Variants in LRP1B observed in about 807,000 individuals in gnomAD.
LRP1B encodes LDL receptor related protein 1B.
LRP1B carries 217 observed loss-of-function variants against 556.6 expected under a neutral mutation model. The observed-to-expected ratio is 0.39, with a 90% confidence interval of 0.35 to 0.44. The LOEUF is 0.44. LRP1B is among the 20% of genes least tolerant of loss of function. LRP1B has a pLI of 1.00. For missense variants in LRP1B, 5,053 were observed against 5,620.8 expected, an observed-to-expected ratio of 0.90 and a Z score of 3.23; for synonymous variants, 2,047 against 1,865.8, an observed-to-expected ratio of 1.10 and a Z score of -2.50.
chr2:141,335,750 AT>A (rs1185004328), intron 3 of LRP1B, among the ~76,000 whole-genome samples: 1 of 152,174 alleles, frequency 6.6e-6, no homozygotes, highest in Admixed American at 6.5e-5. Flanking sequence ...ACAGTGTGGA[AT>A]TTCTATGAAC....
intron 2 of LRP1B, among the ~76,000 whole-genome samples, chr2:141,761,597 A>C (rs1694549925): frequency 1.3e-5 from 2 of 152,270 alleles, no homozygotes; most frequent in Middle Eastern, 3.4e-3. Flanking sequence ...AATACTTAAA[A>C]ATTTATTTTA....
chr2:141,357,442 G>A (rs947802184), intron 3 of LRP1B, among the ~76,000 whole-genome samples: 1 of 152,020 alleles, frequency 6.6e-6, no homozygotes, highest in Non-Finnish European at 1.5e-5. Flanking sequence ...CCACTATTTT[G>A]TAACTATGAG....
Position 141,331,522 on chromosome 2 carries a change from C to CTCTTTCTT in LRP1B, c.344-76889_344-76882dup, listed in dbSNP as rs71213744. Among the ~76,000 whole-genome samples the CTCTTTCTT allele has an allele frequency of 1.9e-3, 264 of 140,816 alleles. 2 individuals are homozygous for CTCTTTCTT. The highest frequency in any genetic ancestry group is 4.0e-3 in the South Asian group (18 of 4,472). The allele number at this position is 140,816 out of a possible 152,430, so 92.4% of individuals were successfully genotyped here. On this transcript the variant is annotated intron_variant, in intron 3 of 90. Coordinates refer to ENST00000389484, the MANE Select transcript of LRP1B (RefSeq NM_018557.3). ...TCTTTCCTTCTTTCTTTCTTTCTTT[C>CTCTTTCTT]TCTTTCTTTCTTTCTTTCTTTCTTT...
intron 3 of LRP1B, among the ~76,000 whole-genome samples, chr2:141,461,044 A>AT (rs200164273): frequency 0.054 from 8,148 of 152,148 alleles, 268 homozygotes; most frequent in Non-Finnish European, 0.067. Context: ...GGAAAAAAAA[A>AT]AATGAGAGTC....
At chr2:141,458,662 A>T (rs1681731368) in intron 3 of LRP1B, among the ~76,000 whole-genome samples, 1 of 152,100 alleles carries the variant, frequency 6.6e-6, no homozygotes, top group Non-Finnish European at 1.5e-5. Flanking sequence ...TTTAAATCGT[A>T]AAACCAAAAG....
intron 3 of LRP1B, among the ~76,000 whole-genome samples, chr2:141,383,846 T>G (rs10166697): frequency 0.096 from 14,628 of 152,024 alleles, 1,183 homozygotes; most frequent in African/African-American, 0.22. Context: ...TTAACAAGGG[T>G]TGGAGGATAC....
At chr2:140,779,120 A>G (rs1416964951) in intron 32 of LRP1B, among the ~76,000 whole-genome samples, 1 of 152,030 alleles carries the variant, frequency 6.6e-6, no homozygotes, top group Non-Finnish European at 1.5e-5. Context: ...AAAAAGTTTG[A>G]GGACGATGGT....
At chr2:140,635,678 T>C (rs1255312974) in intron 41 of LRP1B, among the ~76,000 whole-genome samples, 1 of 151,974 alleles carries the variant, frequency 6.6e-6, no homozygotes, top group Non-Finnish European at 1.5e-5. Context: ...ATACTATATA[T>C]AACATGTCCT....
intron 1 of LRP1B, among the ~76,000 whole-genome samples, chr2:141,918,140 T>C (rs1275898941): frequency 6.6e-6 from 1 of 152,002 alleles, no homozygotes; most frequent in African/African-American, 2.4e-5. Flanking sequence ...ATATACTTTT[T>C]TAAAAAATAC....
chr2:141,672,471 C>G (rs150401523), intron 2 of LRP1B, among the ~76,000 whole-genome samples: 2 of 152,102 alleles, frequency 1.3e-5, no homozygotes, highest in East Asian at 3.9e-4. Flanking sequence ...CTTCCTGAAA[C>G]GGAGGTTACA....
intron 3 of LRP1B, among the ~76,000 whole-genome samples, chr2:141,475,811 G>T (rs1187045102): frequency 6.6e-6 from 1 of 152,094 alleles, no homozygotes; most frequent in African/African-American, 2.4e-5. Context: ...TCCAAGGGAA[G>T]ATCATCTCCC....
chr2:141,423,304 T>C (rs10601129), intron 3 of LRP1B, among the ~76,000 whole-genome samples: 2 of 141,622 alleles, frequency 1.4e-5, no homozygotes, highest in East Asian at 2.1e-4. Flanking sequence ...TTTTTTTTTT[T>C]TTTTTTTTTT....
At chr2:141,609,484 A>G (rs773997318) in intron 2 of LRP1B, among the ~76,000 whole-genome samples, 1 of 152,242 alleles carries the variant, frequency 6.6e-6, no homozygotes, top group African/African-American at 2.4e-5. Context: ...TAACTCCATC[A>G]GCAAAGATAA....
chr2:140,378,176 C>T lies in LRP1B; in HGVS notation c.10638+4G>A, dbSNP rs2105182707. On this transcript the variant is annotated splice_donor_region_variant and intron_variant, in intron 68 of 90. Coordinates refer to ENST00000389484, the MANE Select transcript of LRP1B (RefSeq NM_018557.3). The stretch of plus-strand genomic sequence containing the variant: ...TTTCTTTTTGATTTTACAAAGATGC[C>T]TACCTCATCAGAGCCATCTGCACAG... 6.3e-7 allele frequency: 1 copy of T among 1,598,400 alleles called. No individual in the cohort carries two copies.
At chr2:140,524,385 A>T (rs930229618) in intron 49 of LRP1B, among the ~76,000 whole-genome samples, 6 of 152,006 alleles carry the variant, frequency 3.9e-5, no homozygotes, top group Non-Finnish European at 7.4e-5. Flanking sequence ...AGTGTAAATT[A>T]GTTCAGCCCC....
At position 142,115,613 on chromosome 2, in the gene LRP1B, TA is replaced by T. The variant is rs1174055768; in HGVS notation, c.82+15034del. Among the ~76,000 whole-genome samples the T allele has an allele frequency of 2.3e-3, 55 of 23,870 alleles. 5 individuals carry two copies. Among genetic ancestry groups the T allele is most frequent in the African/African-American group, 5.8e-3 (51 of 8,744 alleles). The allele number at this position is 23,870 out of a possible 152,430, so 15.7% of individuals were successfully genotyped here. Reference sequence around the variant, plus strand: ...TATATTATATATGTAATATATATTATATATATGTAATATATATATTATATAT... The same window carrying T: ...TATATTATATATGTAATATATATTATTATATGTAATATATATATTATATAT... On this transcript the variant is annotated intron_variant, in intron 1 of 90. Coordinates refer to ENST00000389484, the MANE Select transcript of LRP1B (RefSeq NM_018557.3).
chr2:140,407,797 C>A (rs977478475), intron 66 of LRP1B, among the ~76,000 whole-genome samples: 4 of 151,962 alleles, frequency 2.6e-5, no homozygotes, highest in Admixed American at 2.6e-4. Flanking sequence ...AAGAACAGAT[C>A]TGCCATTTGA....
chr2:140,961,553 AT>A (rs1436461446), intron 18 of LRP1B, among the ~76,000 whole-genome samples: 1 of 152,098 alleles, frequency 6.6e-6, no homozygotes, highest in Non-Finnish European at 1.5e-5. Flanking sequence ...TTCATAAATA[AT>A]TTTTGTTGTA....
chr2:140,765,552 T>C (rs1389844230), intron 35 of LRP1B, among the ~76,000 whole-genome samples: 1 of 152,166 alleles, frequency 6.6e-6, no homozygotes, highest in Non-Finnish European at 1.5e-5. Context: ...CAAAGCTCAA[T>C]ATGTTTTTTT....
Sources: allele counts gnomAD v4.1 joint callset (sites outside exome capture counted in the v4.1 genomes callset), GRCh38; gene constraint gnomAD v4.1.1; transcripts MANE v1.5; gene names NCBI Gene and HGNC (gene_info 2026-07-23, HGNC 2026-07-21).